The following HSF2BP variants were observed in gnomAD, a reference collection of about 807,000 sequenced individuals.
The protein encoded by HSF2BP is heat shock factor 2-binding protein.
A neutral mutation model predicts 35.0 loss-of-function variants in HSF2BP; 35 were observed. The observed-to-expected ratio is 1.00, with a 90% CI of 0.76 to 1.32. The LOEUF (loss-of-function observed/expected upper bound fraction) is 1.32. Ranked by LOEUF, HSF2BP falls within the 40% of genes most tolerant of loss-of-function variation. The pLI is 0.00. For synonymous variants in HSF2BP, 114 were observed against 117.4 expected (o/e 0.97, Z 0.18); for missense variants, 326 against 321.7 (o/e 1.01, Z -0.10).
intron 3 of HSF2BP, among the ~76,000 whole-genome samples, chr21:43,651,574 A>G (rs2082786536): frequency 6.6e-6 from 1 of 152,174 alleles, no homozygotes; most frequent in African/African-American, 2.4e-5. Flanking sequence ...TTTGATGGTT[A>G]TTTCCATGTG....
chr21:43,644,475 A>G lies in HSF2BP; in HGVS notation c.188-83T>C, dbSNP rs2082682560. The G allele has an allele frequency of 9.7e-6, 10 of 1,026,690 alleles. No homozygotes were observed. In the East Asian group the frequency reaches 1.2e-4, roughly 12 times the overall value. The allele number at this position is 1,026,690 out of a possible 1,614,324, so 63.6% of individuals were successfully genotyped here. On this transcript the variant is annotated intron_variant, in intron 3 of 8. Transcript: ENST00000291560. ...CATCTATTTTGCCCAGTCTTGACTT[A>G]GTAAAATGTGTACTGATTTCTTAGG...
chr21:43,600,527 T>C (rs1360985675), intron 7 of HSF2BP, among the ~76,000 whole-genome samples: 1 of 152,190 alleles, frequency 6.6e-6, no homozygotes, highest in Non-Finnish European at 1.5e-5. Flanking sequence ...AAATTATTCT[T>C]GACAGAAACT....
intron 3 of HSF2BP, among the ~76,000 whole-genome samples, chr21:43,647,928 C>CAAAAAAAAA (rs774339620): frequency 1.3e-5 from 1 of 76,810 alleles, no homozygotes; most frequent in Admixed American, 1.3e-4. Context: ...GACTTCATCT[C>CAAAAAAAAA]AAAAAAAAAA....
Position 43,575,012 on chromosome 21 carries a change from G to A in HSF2BP, c.796+17213C>T, listed in dbSNP as rs186036863. Among the ~76,000 whole-genome samples, 492 of 152,326 alleles carry A rather than the reference G, an allele frequency of 3.2e-3. 1 individual carries two copies. The highest frequency in any genetic ancestry group is 0.014 in the Middle Eastern group (4 of 294). On this transcript the variant is annotated intron_variant, in intron 8 of 8. Transcript: ENST00000291560. ...CTCACCGCATGCGCACAGGCAACCA[G>A]GGCACAGGAGCAGCAGGGCCTTCCC...
intron 6 of HSF2BP, among the ~76,000 whole-genome samples, chr21:43,620,450 C>T (rs1391813750): frequency 6.6e-6 from 1 of 152,214 alleles, no homozygotes; most frequent in Non-Finnish European, 1.5e-5. Flanking sequence ...GTAATCCCAA[C>T]ACTGTGGAAG....
chr21:43,594,695 G>A (rs777104460), intron 7 of HSF2BP, among the ~76,000 whole-genome samples: 16 of 151,726 alleles, frequency 1.1e-4, no homozygotes, highest in Non-Finnish European at 1.6e-4. Context: ...AGAGAGAGAA[G>A]GAAGAAAGAC....
intron 2 of HSF2BP, 150 bp downstream of exon 2, chr21:43,657,901 CCCCGCTCCGG>C (rs965043607): frequency 1.0e-6 from 1 of 985,360 alleles, no homozygotes; most frequent in African/African-American, 1.7e-5. Flanking sequence ...CAGGTCTCCA[CCCCGCTCCGG>C]CCCAGCCCAC....
At chr21:43,468,154 A>G in the HSF2BP span, among the ~76,000 whole-genome samples, 1 of 338 alleles carries the variant, frequency 3.0e-3, no homozygotes, top group Non-Finnish European at 0.01. Flanking sequence ...CACCCACACC[A>G]CACACCNNNN....
At chr21:43,654,706 C>T (rs536934141) in intron 3 of HSF2BP, among the ~76,000 whole-genome samples, 1 of 152,126 alleles carries the variant, frequency 6.6e-6, no homozygotes, top group African/African-American at 2.4e-5. Context: ...AATGCCAAGT[C>T]GGAGTCAGGC....
intron 7 of HSF2BP, among the ~76,000 whole-genome samples, chr21:43,603,180 G>A (rs1474353235): frequency 1.3e-5 from 2 of 152,214 alleles, no homozygotes; most frequent in Admixed American, 1.3e-4. Flanking sequence ...AAACGCCAGG[G>A]TCATGTCACA....
At chr21:43,650,912 C>T (rs2082776658) in intron 3 of HSF2BP, among the ~76,000 whole-genome samples, 1 of 151,944 alleles carries the variant, frequency 6.6e-6, no homozygotes, top group East Asian at 1.9e-4. Context: ...TTCACCTTGT[C>T]GGCCAGTCTG....
intron 8 of HSF2BP, among the ~76,000 whole-genome samples, chr21:43,572,547 G>A (rs1216218598): frequency 6.6e-6 from 1 of 152,212 alleles, no homozygotes; most frequent in East Asian, 1.9e-4. Flanking sequence ...ACACAGGGAA[G>A]GCCCACTACA....
chr21:43,589,284 G>A lies in HSF2BP; in HGVS notation c.796+2941C>T, dbSNP rs561257268. On this transcript the variant is annotated intron_variant, in intron 8 of 8. Transcript: ENST00000291560. ...CTATACACACATCCTTGAAAAGCTA[G>A]CCAGAAACAAAGGAGGTCAGTTCCT... is the stretch of plus-strand genomic sequence containing the variant. Among the ~76,000 whole-genome samples the A allele has an allele frequency of 2.6e-5, 4 of 152,248 alleles. No individual in the cohort carries two copies. In the South Asian group the frequency reaches 6.2e-4, roughly 24 times the overall value.
chr21:43,467,977 ACACACACCACACC>A, the HSF2BP span, among the ~76,000 whole-genome samples: 1,925 of 93,960 alleles, frequency 0.02, 105 homozygotes, highest in African/African-American at 0.074. Flanking sequence ...CACACACACC[ACACACACCACACC>A]CACACACACC....
At chr21:43,595,329 A>G (rs2081971462) in intron 7 of HSF2BP, among the ~76,000 whole-genome samples, 1 of 152,182 alleles carries the variant, frequency 6.6e-6, no homozygotes, top group Non-Finnish European at 1.5e-5. Context: ...CTAATGAAAA[A>G]AGAAGAAAGA....
intron 8 of HSF2BP, among the ~76,000 whole-genome samples, chr21:43,571,919 G>C (rs2081582811): frequency 2.0e-5 from 3 of 151,432 alleles, no homozygotes; most frequent in African/African-American, 7.3e-5. Context: ...CAAAACAGCG[G>C]GGAGAGAGAG....
At chr21:43,642,315 T>C (rs2082647812) in intron 4 of HSF2BP, among the ~76,000 whole-genome samples, 2 of 152,050 alleles carry the variant, frequency 1.3e-5, no homozygotes, top group African/African-American at 4.8e-5. Context: ...GCAACTATTA[T>C]TGCACCACTG....
At chr21:43,608,017 T>C (rs145733916) in intron 7 of HSF2BP, among the ~76,000 whole-genome samples, 169 of 152,288 alleles carry the variant, frequency 1.1e-3, no homozygotes, top group African/African-American at 3.9e-3. Context: ...TAGGAAATAG[T>C]CTTCTGGATA....
the HSF2BP span, among the ~76,000 whole-genome samples, chr21:43,455,217 G>T: frequency 1.5e-5 from 1 of 65,124 alleles, no homozygotes; most frequent in Non-Finnish European, 3.0e-5. Context: ...AAGGGTCCCG[G>T]GAGTCCCCAC....
Sources: allele counts gnomAD v4.1 joint callset (sites outside exome capture counted in the v4.1 genomes callset), GRCh38; gene constraint gnomAD v4.1.1; transcripts MANE v1.5; gene names NCBI Gene and HGNC (gene_info 2026-07-23, HGNC 2026-07-21).